Variants in NELL2 observed in about 807,000 individuals in gnomAD.
NELL2 encodes neural EGFL like 2, also known as protein kinase C-binding protein NELL2.
A neutral mutation model predicts 109.6 loss-of-function variants in NELL2; 41 were observed. The observed-to-expected ratio is 0.37, with a 90% CI of 0.29 to 0.49. The LOEUF (loss-of-function observed/expected upper bound fraction) is 0.49, where lower values mean the gene tolerates loss of function less well. NELL2 is among the 20% of genes least tolerant of loss of function. The pLI is 0.98. For synonymous variants in NELL2, 355 were observed against 344.7 expected (o/e 1.03, Z -0.33); for missense variants, 900 against 1,008.3 (o/e 0.89, Z 1.45).
intron 9 of NELL2, among the ~76,000 whole-genome samples, chr12:44,773,116 C>A (rs1941613551): frequency 6.6e-6 from 1 of 152,264 alleles, no homozygotes; most frequent in East Asian, 1.9e-4. Flanking sequence ...ACTGACATCA[C>A]TTAATGCAAA....
chr12:44,775,271 A>G (rs1008852971), intron 8 of NELL2, among the ~76,000 whole-genome samples: 1 of 146,422 alleles, frequency 6.8e-6, no homozygotes, highest in South Asian at 2.1e-4. Context: ...ACACACACAC[A>G]GTTCTGAACT....
chr12:44,777,003 T>C, intron 7 of NELL2, 39 bp downstream of exon 7: 1 of 1,573,830 alleles, frequency 6.4e-7, no homozygotes, highest in Non-Finnish European at 8.7e-7. Context: ...ACATCAAGGA[T>C]TTTTAAGCTT....
At chr12:44,782,355 A>G (rs1277647296) in intron 3 of NELL2, among the ~76,000 whole-genome samples, 1 of 151,986 alleles carries the variant, frequency 6.6e-6, no homozygotes, top group Non-Finnish European at 1.5e-5. Flanking sequence ...TAAAACAGAG[A>G]GAACAAACAT....
At chr12:44,577,547 G>C (rs1483562401) in intron 15 of NELL2, among the ~76,000 whole-genome samples, 1 of 139,446 alleles carries the variant, frequency 7.2e-6, no homozygotes, top group Non-Finnish European at 1.5e-5. Context: ...CGATGATCTC[G>C]GCTCACTGCA....
rs564395015 is a variant in NELL2, at chr12:44,645,901, T to G, written c.1444+19583A>C. Among the ~76,000 whole-genome samples, 38 of 152,254 alleles carry G rather than the reference T, an allele frequency of 2.5e-4. No individual in the cohort carries two copies. The East Asian group carries it at 4.4e-3, about 18-fold the overall frequency. On this transcript the variant is annotated intron_variant, in intron 13 of 19. Transcript: ENST00000429094. The stretch of plus-strand genomic sequence containing the variant: ...TAGTATATTATACTCTTTTTTACCC[T>G]CATCTTGCATCCATCATTAGAATTT...
At chr12:44,846,536 T>A (rs1201285941) in intron 2 of NELL2, among the ~76,000 whole-genome samples, 1 of 152,220 alleles carries the variant, frequency 6.6e-6, no homozygotes, top group Non-Finnish European at 1.5e-5. Context: ...TGCACCCTAT[T>A]GCATTTTAAG....
intron 13 of NELL2, among the ~76,000 whole-genome samples, chr12:44,650,050 C>T (rs1378626447): frequency 6.6e-6 from 1 of 152,230 alleles, no homozygotes; most frequent in African/African-American, 2.4e-5. Context: ...TCAGGCTGCA[C>T]TCCTCTCGCA....
chr12:44,597,270 T>A (rs1945003021), intron 15 of NELL2, among the ~76,000 whole-genome samples: 1 of 152,174 alleles, frequency 6.6e-6, no homozygotes, highest in Admixed American at 6.5e-5. Context: ...ATTTTTCTTA[T>A]TTTTTAAAAA....
At chr12:44,822,572 C>T (rs979895391) in intron 2 of NELL2, among the ~76,000 whole-genome samples, 2 of 152,284 alleles carry the variant, frequency 1.3e-5, no homozygotes, top group East Asian at 3.9e-4. Context: ...GAGAAAGAGG[C>T]TGAGAAACAG....
intron 2 of NELL2, among the ~76,000 whole-genome samples, chr12:44,843,367 C>A (rs774596367): frequency 6.6e-6 from 1 of 152,076 alleles, no homozygotes; most frequent in African/African-American, 2.4e-5. Flanking sequence ...CCACTATACA[C>A]TGGTTAGAAT....
At chr12:44,701,815 T>C (rs1275350670) in intron 12 of NELL2, among the ~76,000 whole-genome samples, 2 of 152,102 alleles carry the variant, frequency 1.3e-5, no homozygotes, top group Non-Finnish European at 2.9e-5. Context: ...CAATAGTTCA[T>C]CTATCACACT....
intron 15 of NELL2, among the ~76,000 whole-genome samples, chr12:44,604,342 G>A (rs1945320913): frequency 6.6e-6 from 1 of 152,078 alleles, no homozygotes; most frequent in Non-Finnish European, 1.5e-5. Flanking sequence ...GTTCTAGAAT[G>A]TAGATCTGGA....
At chr12:44,747,164 C>A (rs908680583) in intron 9 of NELL2, among the ~76,000 whole-genome samples, 1 of 152,118 alleles carries the variant, frequency 6.6e-6, no homozygotes, top group African/African-American at 2.4e-5. Context: ...ATGGATGAAA[C>A]TGGAAACCAT....
chr12:44,633,389 C>A (rs1254461656), intron 13 of NELL2, among the ~76,000 whole-genome samples: 2 of 152,048 alleles, frequency 1.3e-5, no homozygotes, highest in African/African-American at 4.8e-5. Context: ...AGAGTGGGGT[C>A]CTCTTCATAC....
At chr12:44,690,319 A>T (rs1948860462) in intron 12 of NELL2, among the ~76,000 whole-genome samples, 1 of 152,246 alleles carries the variant, frequency 6.6e-6, no homozygotes, top group Admixed American at 6.5e-5. Context: ...TTAGATAGCC[A>T]CTAAATTATT....
At position 44,875,210 on chromosome 12, in the gene NELL2, G is replaced by A; in HGVS notation, c.184+15C>T. On this transcript the variant is annotated intron_variant, in intron 2 of 19. Coordinates refer to ENST00000429094, the MANE Select transcript of NELL2 (RefSeq NM_001145108.2). Reference sequence around the variant, plus strand: ...GAACTGAAATCACAGTGGGGATGCAGCACGCCGGGCATACCTTGAAAGAGA... The same window carrying A: ...GAACTGAAATCACAGTGGGGATGCAACACGCCGGGCATACCTTGAAAGAGA... 1 of 1,603,920 alleles carries A rather than the reference G, an allele frequency of 6.2e-7. No homozygotes were observed. Among genetic ancestry groups the A allele is most frequent in the South Asian group, 1.1e-5 (1 of 90,370 alleles).
chr12:44,811,195 G>A (rs1433014788), intron 3 of NELL2, among the ~76,000 whole-genome samples: 1 of 151,798 alleles, frequency 6.6e-6, no homozygotes, highest in Non-Finnish European at 1.5e-5. Flanking sequence ...GGGAAGGGGA[G>A]GGAGAGCATT....
At chr12:44,732,428 A>G (rs1255633756) in intron 9 of NELL2, among the ~76,000 whole-genome samples, 2 of 152,032 alleles carry the variant, frequency 1.3e-5, no homozygotes, top group Non-Finnish European at 1.5e-5. Flanking sequence ...CAAATCTCCA[A>G]CAAGAATACT....
At chr12:44,681,321 G>A (rs1948493568) in intron 12 of NELL2, among the ~76,000 whole-genome samples, 1 of 149,364 alleles carries the variant, frequency 6.7e-6, no homozygotes, top group Non-Finnish European at 1.5e-5. Context: ...TTTTAATCAT[G>A]AGCAGTAATA....
Sources: gnomAD v4.1 joint callset for allele counts (sites outside exome capture counted in the v4.1 genomes callset) on GRCh38, gnomAD v4.1.1 for gene constraint, MANE v1.5 for transcripts, NCBI Gene and HGNC (gene_info 2026-07-23, HGNC 2026-07-21) for gene names.